RYR3: variants seen among roughly 807,000 people sequenced by gnomAD.
The protein encoded by RYR3 is brain ryanodine receptor-calcium release channel.
RYR3 carries 207 observed loss-of-function variants against 584.3 expected under a neutral mutation model. The observed-to-expected ratio is 0.35, with a 90% CI of 0.32 to 0.40. RYR3 has a LOEUF of 0.40. Ranked by LOEUF, RYR3 falls within the 10% of genes least tolerant of loss-of-function variation. The probability of loss-of-function intolerance (pLI) is 1.00; values close to 1 mark genes in which losing one functional copy is unlikely to be tolerated. For missense variants in RYR3, 5,616 were observed against 6,089.2 expected (o/e 0.92, Z 2.59); for synonymous variants, 2,416 against 2,248.5 (o/e 1.07, Z -2.11).
At chr15:33,551,885 G>C (rs2056703559) in intron 10 of RYR3, among the ~76,000 whole-genome samples, 1 of 152,162 alleles carries the variant, frequency 6.6e-6, no homozygotes, top group Non-Finnish European at 1.5e-5. Flanking sequence ...AAAGCAACAG[G>C]AAAGTCGTAA....
At chr15:33,862,693 C>T (rs567215622) in intron 102 of RYR3, among the ~76,000 whole-genome samples, 1 of 151,744 alleles carries the variant, frequency 6.6e-6, no homozygotes, top group African/African-American at 2.4e-5. Flanking sequence ...TCACTGTAGC[C>T]TCCACCTCCT....
At chr15:33,505,176 C>G (rs893949497) in intron 3 of RYR3, among the ~76,000 whole-genome samples, 1 of 152,176 alleles carries the variant, frequency 6.6e-6, no homozygotes, top group African/African-American at 2.4e-5. Context: ...TCAAGAGAAT[C>G]GATGTTTACA....
intron 1 of RYR3, among the ~76,000 whole-genome samples, chr15:33,385,998 G>A (rs1171552997): frequency 6.6e-6 from 1 of 151,934 alleles, no homozygotes; most frequent in African/African-American, 2.4e-5. Flanking sequence ...GAGCCACTGT[G>A]CCCAGCCTCT....
chr15:33,542,648 T>C (rs1160405962), intron 7 of RYR3, among the ~76,000 whole-genome samples: 2 of 152,166 alleles, frequency 1.3e-5, no homozygotes, highest in African/African-American at 4.8e-5. Flanking sequence ...TCCTCTGGCA[T>C]GATTGCTCAT....
At chr15:33,854,552 T>C in intron 97 of RYR3, 103 bp downstream of exon 97, 1 of 1,116,518 alleles carries the variant, frequency 9.0e-7, no homozygotes, top group African/African-American at 1.6e-5. Flanking sequence ...GGATTGCTTA[T>C]CAAAGACCAA....
intron 85 of RYR3, among the ~76,000 whole-genome samples, chr15:33,830,443 A>G (rs1283607365): frequency 6.6e-6 from 1 of 152,242 alleles, no homozygotes; most frequent in African/African-American, 2.4e-5. Context: ...GCTATTGCAC[A>G]CTTAATAGAC....
intron 63 of RYR3, among the ~76,000 whole-genome samples, chr15:33,773,289 A>G (rs986361734): frequency 6.6e-6 from 1 of 152,176 alleles, no homozygotes; most frequent in Admixed American, 6.5e-5. Flanking sequence ...AAGCGATGTA[A>G]TCTTCATGAT....
Position 33,830,936 on chromosome 15 carries a change from T to C in RYR3, c.11335-27T>C, listed in dbSNP as rs181412280. 27 of 1,609,170 alleles carry C rather than the reference T, an allele frequency of 1.7e-5. No individual in the cohort carries two copies. In the East Asian group the frequency reaches 4.9e-4, roughly 29 times the overall value. On this transcript the variant is annotated intron_variant, in intron 85 of 103. Coordinates refer to ENST00000634891, the MANE Select transcript of RYR3 (RefSeq NM_001036.6). ...GCTTCACTGACTGAAGTCTGAGAAATACTAAGCTCTACTCATTTGTTTTTA... is the reference window on the plus strand; with the variant it reads ...GCTTCACTGACTGAAGTCTGAGAAACACTAAGCTCTACTCATTTGTTTTTA...
chr15:33,379,687 C>CTCTCTCTCTCTCTCTCTATATATATATA, intron 1 of RYR3, among the ~76,000 whole-genome samples: 14 of 125,498 alleles, frequency 1.1e-4, no homozygotes, highest in African/African-American at 4.6e-4. Flanking sequence ...CTCTCTCTCT[C>CTCTCTCTCTCTCTCTCTATATATATATA]TATATATATA....
intron 1 of RYR3, among the ~76,000 whole-genome samples, chr15:33,425,423 T>C (rs1243946813): frequency 6.6e-6 from 1 of 152,168 alleles, no homozygotes; most frequent in Admixed American, 6.5e-5. Context: ...TGGGGCCACA[T>C]GTAGTCCTGA....
Position 33,755,221 on chromosome 15 carries a change from C to G in RYR3, c.8515+41C>G, listed in dbSNP as rs374696405. On this transcript the variant is annotated intron_variant, in intron 58 of 103. Coordinates refer to ENST00000634891, the MANE Select transcript of RYR3 (RefSeq NM_001036.6). Reference sequence around the variant, plus strand: ...AAATAACCCAAAAGAATTCAATATTCTTTTATCAAGAAATAATCCTTTCAG... The same window carrying G: ...AAATAACCCAAAAGAATTCAATATTGTTTTATCAAGAAATAATCCTTTCAG... 6.2e-6 allele frequency: 7 copies of G among 1,126,782 alleles called. No individual in the cohort carries two copies. In the African/African-American group the frequency reaches 1.1e-4, roughly 17 times the overall value. 69.8% of individuals were successfully genotyped at this position (1,126,782 alleles called of 1,614,324 possible). A position where few individuals can be genotyped will look rare whatever the true frequency, so the allele number is the denominator to read the frequency against.
At chr15:33,357,053 C>T (rs1974082834) in intron 1 of RYR3, among the ~76,000 whole-genome samples, 2 of 152,074 alleles carry the variant, frequency 1.3e-5, no homozygotes, top group Admixed American at 1.3e-4. Context: ...TTGTCTATCT[C>T]ACCTGCTTTC....
intron 20 of RYR3, among the ~76,000 whole-genome samples, chr15:33,625,016 C>G (rs1303329433): frequency 6.6e-6 from 1 of 152,138 alleles, no homozygotes; most frequent in Non-Finnish European, 1.5e-5. Flanking sequence ...TTTCATACTG[C>G]TATAAAGAAC....
chr15:33,313,366 T>C (rs1967629291), intron 1 of RYR3, among the ~76,000 whole-genome samples: 1 of 152,214 alleles, frequency 6.6e-6, no homozygotes, highest in Non-Finnish European at 1.5e-5. Context: ...TTATATATAG[T>C]CTTAAGAATA....
At chr15:33,762,499 C>T (rs112787419) in intron 60 of RYR3, among the ~76,000 whole-genome samples, 2 of 152,272 alleles carry the variant, frequency 1.3e-5, no homozygotes, top group Admixed American at 1.3e-4. Flanking sequence ...AGTGAACTCC[C>T]ATTGGCAATT....
chr15:33,747,393 T>TTTTTA (rs2070835802), intron 53 of RYR3, among the ~76,000 whole-genome samples: 1 of 131,098 alleles, frequency 7.6e-6, no homozygotes, highest in Non-Finnish European at 1.6e-5. Context: ...TTTTTTTTTT[T>TTTTTA]GAGACGGAGT....
At chr15:33,352,782 G>A (rs1054402742) in intron 1 of RYR3, among the ~76,000 whole-genome samples, 1 of 152,124 alleles carries the variant, frequency 6.6e-6, no homozygotes, top group Admixed American at 6.5e-5. Context: ...AGATACCTAT[G>A]CCCACTTCTG....
At chr15:33,375,607 C>T (rs1271522393) in intron 1 of RYR3, among the ~76,000 whole-genome samples, 1 of 152,186 alleles carries the variant, frequency 6.6e-6, no homozygotes, top group Non-Finnish European at 1.5e-5. Context: ...ATAGAGATCT[C>T]TATCCACATG....
chr15:33,425,637 ATTTTTTTTTTTTT>A (rs68182512), intron 1 of RYR3, among the ~76,000 whole-genome samples: 29,469 of 122,146 alleles, frequency 0.24, 3,320 homozygotes, highest in Middle Eastern at 0.4. Flanking sequence ...GAGACTCACA[ATTTTTTTTTTTTT>A]TTTTTTTTTG....
Sources: allele counts gnomAD v4.1 joint callset (sites outside exome capture counted in the v4.1 genomes callset), GRCh38; gene constraint gnomAD v4.1.1; transcripts MANE v1.5; gene names NCBI Gene and HGNC (gene_info 2026-07-23, HGNC 2026-07-21).